ANKS1B: variants seen among roughly 807,000 people sequenced by gnomAD.
ANKS1B encodes the protein ankyrin repeat and sterile alpha motif domain-containing protein 1B.
A neutral mutation model predicts 148.3 loss-of-function variants in ANKS1B; 36 were observed. The ratio of observed to expected loss-of-function variants is 0.24; its 90% CI spans 0.19 to 0.32. The LOEUF is 0.32. Among genes scored for constraint, ANKS1B ranks in the 10% least tolerant of loss-of-function variants. The pLI is 1.00. For synonymous variants in ANKS1B, 542 were observed against 560.8 expected, an observed-to-expected ratio of 0.97 and a Z score of 0.47; for missense variants, 1,157 against 1,542.6, an observed-to-expected ratio of 0.75 and a Z score of 4.19.
intron 1 of ANKS1B, among the ~76,000 whole-genome samples, chr12:99,928,945 G>A (rs1043094362): frequency 2.6e-5 from 4 of 152,168 alleles, no homozygotes; most frequent in African/African-American, 9.7e-5. Flanking sequence ...GAACTAGGGA[G>A]TGATAAGTAA....
intron 9 of ANKS1B, among the ~76,000 whole-genome samples, chr12:99,652,841 C>T (rs2098429992): frequency 6.6e-6 from 1 of 151,934 alleles, no homozygotes; most frequent in Admixed American, 6.6e-5. Context: ...AATGGAAAGT[C>T]ATAGGAAAAC....
At chr12:99,754,094 G>A (rs568307033) in intron 8 of ANKS1B, among the ~76,000 whole-genome samples, 32 of 152,092 alleles carry the variant, frequency 2.1e-4, no homozygotes, top group Non-Finnish European at 2.8e-4. Flanking sequence ...CCATTGGTAT[G>A]CTGTTTGCAA....
At chr12:98,960,564 A>G (rs2099869641) in intron 17 of ANKS1B, among the ~76,000 whole-genome samples, 2 of 152,166 alleles carry the variant, frequency 1.3e-5, no homozygotes, top group Admixed American at 1.3e-4. Flanking sequence ...TTAGAAGACT[A>G]CAATAAATAT....
In ANKS1B at chr12:98,773,103, T is replaced by C. The variant is rs1310303867; in HGVS notation, c.3518A>G (p.Tyr1173Cys). 6.2e-7 allele frequency: 1 copy of C among 1,613,844 alleles called. No homozygotes were observed. Among genetic ancestry groups the C allele is most frequent in the African/African-American group, 1.3e-5 (1 of 74,922 alleles). Residue 1173 changes from tyrosine to cysteine, a missense_variant, in exon 25 of 27, where the codon TAT becomes TGT. This residue lies in a region of ANKS1B where 258 missense variants were observed against 497.0 expected (regional missense o/e 0.52). Coordinates refer to ENST00000683438, the MANE Select transcript of ANKS1B (RefSeq NM_001352186.2). ...ATTAGACTTCAAATCTTTTGTGATA[T>C]AGGCAAATGTTGAGAGGTCTTCTGG... is the stretch of plus-strand genomic sequence containing the variant. ...QDPEDLSTFAYITKDLKSNHH... is the reference protein window; with the variant it reads ...QDPEDLSTFACITKDLKSNHH...
At chr12:99,402,842 G>A (rs2094440266) in intron 11 of ANKS1B, among the ~76,000 whole-genome samples, 1 of 145,742 alleles carries the variant, frequency 6.9e-6, no homozygotes, top group African/African-American at 2.6e-5. Context: ...CGCAGTAATG[G>A]GATTACTGGA....
intron 17 of ANKS1B, among the ~76,000 whole-genome samples, chr12:98,917,332 C>T (rs188484498): frequency 6.6e-6 from 1 of 152,270 alleles, no homozygotes; most frequent in African/African-American, 2.4e-5. Flanking sequence ...GGGGCTCCTT[C>T]CCCACCCTAT....
At chr12:99,565,775 T>C (rs117319187) in intron 9 of ANKS1B, among the ~76,000 whole-genome samples, 3,953 of 152,314 alleles carry the variant, frequency 0.026, 71 homozygotes, top group Non-Finnish European at 0.041. Context: ...GCTGGCAGTG[T>C]TTCTGCTTCA....
At chr12:99,059,327 T>C (rs2041538676) in intron 16 of ANKS1B, among the ~76,000 whole-genome samples, 1 of 152,234 alleles carries the variant, frequency 6.6e-6, no homozygotes, top group African/African-American at 2.4e-5. Context: ...ATATGCTAAA[T>C]GTTTGTTAAA....
intron 12 of ANKS1B, among the ~76,000 whole-genome samples, chr12:99,301,227 T>C (rs927805662): frequency 2.6e-5 from 4 of 152,198 alleles, no homozygotes; most frequent in African/African-American, 9.7e-5. Flanking sequence ...TGAGGGCAGA[T>C]TGTCTTTACT....
chr12:98,773,311 G>C, intron 24 of ANKS1B, 132 bp from the exon 25 acceptor site: 1 of 994,776 alleles, frequency 1.0e-6, no homozygotes, highest in Non-Finnish European at 1.4e-6. Flanking sequence ...ACTCAAAGTG[G>C]TCCACTATAT....
chr12:99,211,156 G>A (rs2083291443), intron 14 of ANKS1B, among the ~76,000 whole-genome samples: 1 of 152,186 alleles, frequency 6.6e-6, no homozygotes, highest in Admixed American at 6.5e-5. Flanking sequence ...GCCCCTGGGG[G>A]AGCATGACCA....
chr12:99,058,256 G>A lies in ANKS1B; in HGVS notation c.2626-4947C>T, dbSNP rs1475679061. On this transcript the variant is annotated intron_variant, in intron 16 of 26. Coordinates refer to ENST00000683438, the MANE Select transcript of ANKS1B (RefSeq NM_001352186.2). ...CTTTTTTTTTTTTTTTTTTTTTTAA[G>A]ACAGAGTCTCACTCTGTCACCCGGG... Among the ~76,000 whole-genome samples the A allele has an allele frequency of 1.4e-3, 148 of 104,462 alleles. 1 individual carries two copies. Among genetic ancestry groups the A allele is most frequent in the African/African-American group, 5.7e-3 (136 of 24,016 alleles). The allele number at this position is 104,462 out of a possible 152,430, so 68.5% of individuals were successfully genotyped here. A position where few individuals can be genotyped will look rare whatever the true frequency, so the allele number is the denominator to read the frequency against.
chr12:99,851,433 T>C (rs1036015336), intron 1 of ANKS1B, among the ~76,000 whole-genome samples: 10 of 152,098 alleles, frequency 6.6e-5, no homozygotes, highest in Non-Finnish European at 2.9e-5. Flanking sequence ...TATTAAAGCA[T>C]TACAAGTATT....
intron 12 of ANKS1B, among the ~76,000 whole-genome samples, chr12:99,253,109 TC>T (rs2074830954): frequency 6.6e-6 from 1 of 151,970 alleles, no homozygotes; most frequent in Non-Finnish European, 1.5e-5. Flanking sequence ...GCCTGTGAGT[TC>T]CAGCTACTCA....
At chr12:98,936,576 G>A (rs1217834257) in intron 17 of ANKS1B, among the ~76,000 whole-genome samples, 11 of 151,914 alleles carry the variant, frequency 7.2e-5, no homozygotes, top group African/African-American at 2.7e-4. Context: ...GCAGTGAGCC[G>A]AGATCGCACC....
intron 1 of ANKS1B, among the ~76,000 whole-genome samples, chr12:99,865,627 A>T (rs2090639612): frequency 6.6e-6 from 1 of 152,210 alleles, no homozygotes; most frequent in South Asian, 2.1e-4. Context: ...GAAAGTAAGA[A>T]GCAGAGGGAA....
rs967983826 is a variant in ANKS1B at position 99,904,484 on chromosome 12, G to A, written c.135-79095C>T. On this transcript the variant is annotated intron_variant, in intron 1 of 26. Coordinates refer to ENST00000683438, the MANE Select transcript of ANKS1B (RefSeq NM_001352186.2). ...TGGGATTACAGACATGAGCCACTGT[G>A]CCCAGCCTAATCATTTTTTTAGAAA... 4.6e-5 allele frequency among the ~76,000 whole-genome samples: 7 copies of A among 152,246 alleles called. No homozygotes were observed. In the South Asian group the frequency reaches 1.2e-3, roughly 27 times the overall value.
rs552067218 is a variant in ANKS1B at position 99,705,749 on chromosome 12, A to C, written c.1129-50539T>G. ...CCCCAAATGATGGAGAAGAATTGCA[A>C]GGTTGATACCTATCAGAAGGAGTAG... is the stretch of plus-strand genomic sequence containing the variant. On this transcript the variant is annotated intron_variant, in intron 8 of 26. Transcript: ENST00000683438. Among the ~76,000 whole-genome samples the C allele has an allele frequency of 2.3e-4, 35 of 152,248 alleles. No individual in the cohort carries two copies. The South Asian group carries it at 7.2e-3, about 32-fold the overall frequency.
At chr12:98,902,100 G>A (rs2099772925) in intron 17 of ANKS1B, among the ~76,000 whole-genome samples, 1 of 152,146 alleles carries the variant, frequency 6.6e-6, no homozygotes, top group Non-Finnish European at 1.5e-5. Context: ...TTTCCTGAAG[G>A]CAAGCAGGCT....
Sources: allele counts gnomAD v4.1 joint callset (sites outside exome capture counted in the v4.1 genomes callset), GRCh38; gene constraint gnomAD v4.1.1; regional missense constraint gnomAD v4.1.1; transcripts MANE v1.5; gene names NCBI Gene and HGNC (gene_info 2026-07-23, HGNC 2026-07-21).